Variants in SP6 observed in about 807,000 individuals in gnomAD.
SP6 encodes the protein transcription factor Sp6.
In SP6, 10 loss-of-function variants were observed where a neutral mutation model predicts 23.4. The observed-to-expected ratio is 0.43, with a 90% CI of 0.26 to 0.72. The LOEUF (loss-of-function observed/expected upper bound fraction) is 0.72. SP6 is among the 30% of genes least tolerant of loss of function. SP6 has a pLI of 0.23. For synonymous variants in SP6, 238 were observed against 238.7 expected (o/e 1.00, Z 0.03); for missense variants, 482 against 523.8 (o/e 0.92, Z 0.78).
chr17:47,861,306 T>C, the SP6 span, among the ~76,000 whole-genome samples: 1 of 152,190 alleles, frequency 6.6e-6, no homozygotes, highest in Non-Finnish European at 1.5e-5. Flanking sequence ...GCCCTGATCC[T>C]ACCACCCACA....
chr17:47,869,019 G>A, the SP6 span, among the ~76,000 whole-genome samples: 1 of 152,220 alleles, frequency 6.6e-6, no homozygotes, highest in Non-Finnish European at 1.5e-5. Context: ...CCCAGGAGGC[G>A]GGGAGGCAGA....
rs1417958641 is a variant in SP6, at chr17:47,845,285, C to T, written c.*2014G>A. 6.6e-6 allele frequency: 1 copy of T among 152,152 alleles called. No homozygotes were observed. Among genetic ancestry groups the T allele is most frequent in the Non-Finnish European group, 1.5e-5 (1 of 68,034 alleles). 9.4% of individuals were successfully genotyped at this position (152,152 alleles called of 1,614,324 possible). A position where few individuals can be genotyped will look rare whatever the true frequency, so the allele number is the denominator to read the frequency against. On this transcript the variant is annotated 3_prime_UTR_variant, in exon 2 of 2. Transcript: ENST00000536300. ...GAAAGGCATCTTACACCCACGGTGCCCTTCCTCTTTCCCCCTCTCCACCTG... is the reference window on the plus strand; with the variant it reads ...GAAAGGCATCTTACACCCACGGTGCTCTTCCTCTTTCCCCCTCTCCACCTG...
chr17:47,858,932 G>A (rs1413551851), upstream of SP6, among the ~76,000 whole-genome samples: 1 of 151,868 alleles, frequency 6.6e-6, no homozygotes, highest in African/African-American at 2.4e-5. Flanking sequence ...CCACCATCAT[G>A]CCTGGCTAAT....
the SP6 span, among the ~76,000 whole-genome samples, chr17:47,863,946 G>A: frequency 6.7e-6 from 1 of 149,876 alleles, no homozygotes; most frequent in Non-Finnish European, 1.5e-5. Flanking sequence ...CACCATGTTA[G>A]CCTGCCTCGG....
chr17:47,847,395 C>G lies in SP6; in HGVS notation c.1035G>C (p.Gly345=), dbSNP rs747650858. Residue 345 remains glycine, a synonymous_variant, in exon 2 of 2, where the codon GGG becomes GGC. Coordinates refer to ENST00000536300, the MANE Select transcript of SP6 (RefSeq NM_001258248.2). ...CGGCCTTGCCCTCTCCCGAGGCCGC[C>G]CCAGCCGCCTCCTCCTTGGCGCCCT... The part of the protein sequence containing the change: ...THEGAKEEAA[G]AASGEGKAGG... 6.2e-7 allele frequency: 1 copy of G among 1,612,974 alleles called. No homozygotes were observed. Among genetic ancestry groups the G allele is most frequent in the South Asian group, 1.1e-5 (1 of 91,046 alleles).
In SP6 at chr17:47,848,018, C is replaced by T. The variant is rs756218584; in HGVS notation, c.412G>A (p.Ala138Thr). Reference sequence around the variant, plus strand: ...CCCGGGTGGCCAGGTGAGGTCAGCGCGCCCTGAGTGTGGGGGAGGTCCATC... The same window carrying T: ...CCCGGGTGGCCAGGTGAGGTCAGCGTGCCCTGAGTGTGGGGGAGGTCCATC... ...SWMDLPHTQGALTSPGHPGAL... is the reference protein window; with the variant it reads ...SWMDLPHTQGTLTSPGHPGAL... The change falls in exon 2 of 2, where the codon GCG (alanine) becomes ACG (threonine). Residue 138 changes from alanine to threonine, a missense_variant. Around this residue, in one of 3 missense-constraint regions of SP6, gnomAD observed 330 missense variants for 332.3 expected, o/e 0.99. Transcript: ENST00000536300. The surrounding 1 kb of genome is among the most constrained non-coding windows in gnomAD (Gnocchi z 5.3). 8.7e-6 allele frequency: 14 copies of T among 1,609,286 alleles called. No individual in the cohort carries two copies. The highest frequency in any genetic ancestry group is 1.3e-5 in the African/African-American group (1 of 74,850).
chr17:47,872,727 G>A, the SP6 span, among the ~76,000 whole-genome samples: 1 of 152,172 alleles, frequency 6.6e-6, no homozygotes, highest in Non-Finnish European at 1.5e-5. Context: ...CCTCTCACCA[G>A]CCCCCCGGCG....
intron 1 of SP6, among the ~76,000 whole-genome samples, chr17:47,849,861 C>G (rs540624105): frequency 6.6e-6 from 1 of 152,166 alleles, no homozygotes; most frequent in Non-Finnish European, 1.5e-5. Flanking sequence ...GTGCCTGGGT[C>G]TTCTCTACTG....
In SP6 at chr17:47,851,038, C is replaced by G. The variant is rs2033949799; in HGVS notation, c.-177G>C. 6.5e-6 allele frequency: 1 copy of G among 153,086 alleles called. No homozygotes were observed. The highest frequency in any genetic ancestry group is 1.5e-5 in the Non-Finnish European group (1 of 68,772). The allele number at this position is 153,086 out of a possible 1,614,324, so 9.5% of individuals were successfully genotyped here. On this transcript the variant is annotated 5_prime_UTR_variant, in exon 1 of 2. Transcript: ENST00000536300. ...GGGCAGGAGCCCAGGGCGAGCCAGA[C>G]CCGGCGGCTGGCGGCAGGCGGCAGG...
chr17:47,867,940 G>C, the SP6 span, among the ~76,000 whole-genome samples: 1 of 152,222 alleles, frequency 6.6e-6, no homozygotes, highest in South Asian at 2.1e-4. Flanking sequence ...CTCACAGGGA[G>C]ATATAGTTCC....
In SP6 at chr17:47,847,840, G is replaced by A. The variant is rs959616015; in HGVS notation, c.590C>T (p.Pro197Leu). The A allele has an allele frequency of 2.0e-6, 3 of 1,519,474 alleles. No homozygotes were observed. The highest frequency in any genetic ancestry group is 1.4e-5 in the African/African-American group (1 of 72,232). The allele number at this position is 1,519,474 out of a possible 1,614,324, so 94.1% of individuals were successfully genotyped here. ...DGAKALEVAA[P>L]ESQGLDSSLD... ...GCTGGAATCCAGCCCTTGAGACTCC[G>A]GGGCGGCTACTTCCAAGGCCTTAGC... The change falls in exon 2 of 2, where the codon CCG becomes CTG. Residue 197 changes from proline (P) to leucine (L), a missense_variant. By Grantham distance (98) the Pro-to-Leu change is moderately conservative. Transcript: ENST00000536300.
chr17:47,865,864 G>C, the SP6 span, among the ~76,000 whole-genome samples: 1 of 152,198 alleles, frequency 6.6e-6, no homozygotes, highest in Non-Finnish European at 1.5e-5. Context: ...TCTTCGCTTT[G>C]AAAAACTTCC....
At chr17:47,856,382 A>T (rs1049027729), upstream of SP6, among the ~76,000 whole-genome samples, 2 of 152,140 alleles carry the variant, frequency 1.3e-5, no homozygotes, top group African/African-American at 4.8e-5. Context: ...GAAGCTTAGG[A>T]TGGACAAGAG....
upstream of SP6, among the ~76,000 whole-genome samples, chr17:47,851,569 C>T (rs912962703): frequency 1.3e-4 from 20 of 152,186 alleles, no homozygotes; most frequent in African/African-American, 4.3e-4. Context: ...GCCCTTGACC[C>T]TCTCTGAACG....
chr17:47,867,705 G>A, the SP6 span, among the ~76,000 whole-genome samples: 1 of 151,962 alleles, frequency 6.6e-6, no homozygotes, highest in Non-Finnish European at 1.5e-5. Context: ...GACCAGGAGC[G>A]GAGTAAGGCA....
At chr17:47,863,199 C>T in the SP6 span, 3 of 152,394 alleles carry the variant, frequency 2.0e-5, no homozygotes, top group Admixed American at 2.0e-4. Flanking sequence ...TACCCACCAG[C>T]TGAACATTTG....
At chr17:47,868,748 G>T in the SP6 span, among the ~76,000 whole-genome samples, 1 of 152,206 alleles carries the variant, frequency 6.6e-6, no homozygotes, top group Non-Finnish European at 1.5e-5. Context: ...TGCTGAGGCT[G>T]CCACGGAGCT....
upstream of SP6, chr17:47,851,287 G>T (rs971823516): frequency 6.6e-6 from 1 of 152,410 alleles, no homozygotes; most frequent in Non-Finnish European, 1.5e-5. Flanking sequence ...CCGCGAGGAG[G>T]GGGTGGGCGG....
At chr17:47,852,504 C>T (rs1472450619), upstream of SP6, among the ~76,000 whole-genome samples, 1 of 152,106 alleles carries the variant, frequency 6.6e-6, no homozygotes. Flanking sequence ...GCTTTGCCGT[C>T]GGCTTTTTAA....
Sources: gnomAD v4.1 joint callset for allele counts (sites outside exome capture counted in the v4.1 genomes callset) on GRCh38, gnomAD v4.1.1 for gene constraint, gnomAD v4.1.1 regional missense constraint, Gnocchi (gnomAD v3.1) non-coding constraint, MANE v1.5 for transcripts, NCBI Gene and HGNC (gene_info 2026-07-23, HGNC 2026-07-21) for gene names.